The following ZNF160 variants were observed in gnomAD, a reference collection of about 807,000 sequenced individuals.
The protein encoded by ZNF160 is zinc finger protein 160.
Under a neutral mutation model 13.1 loss-of-function variants are expected in ZNF160, and 9 were observed. That is an observed-to-expected ratio of 0.69 (90% CI 0.41 to 1.20). ZNF160 has a LOEUF of 1.20. ZNF160 is among the 50% of genes most tolerant of loss of function. The probability of loss-of-function intolerance (pLI) is 0.01; values close to 1 mark genes in which losing one functional copy is unlikely to be tolerated. For missense variants in ZNF160, 838 were observed against 988.0 expected (o/e 0.85, Z 2.04); for synonymous variants, 293 against 333.2 (o/e 0.88, Z 1.31).
rs529646832 is a variant in ZNF160 at position 53,069,987 on chromosome 19, C to T, written c.547G>A (p.Val183Ile). Residue 183 changes from valine to isoleucine, a missense_variant, in exon 6 of 6, where the codon GTA becomes ATA. By Grantham distance (29) the Val-to-Ile change is conservative. Around this residue, in one of 3 missense-constraint regions of ZNF160, gnomAD observed 387 missense variants for 402.3 expected, o/e 0.96. Transcript: ENST00000683776. This position sits in a 1 kb window ranked among gnomAD's most constrained non-coding sequence, Gnocchi z 4.4. Reference protein sequence around the residue: ...ENKLMNNQLGVSFHSHLPELQ... With the variant: ...ENKLMNNQLGISFHSHLPELQ... ...TCAGGCAGATGAGAATGAAAGCTTA[C>T]TCCAAGCTGATTGTTCATAAGCTTG... 2.5e-6 allele frequency: 4 copies of T among 1,614,132 alleles called. No homozygotes were observed. In the East Asian group the frequency reaches 8.9e-5, roughly 36 times the overall value.
chr19:53,076,695 C>T (rs947402892), intron 3 of ZNF160, among the ~76,000 whole-genome samples: 2 of 152,072 alleles, frequency 1.3e-5, no homozygotes, highest in Admixed American at 6.5e-5. Flanking sequence ...AGTAGGAAGT[C>T]CCAAGCACTA....
intron 1 of ZNF160, among the ~76,000 whole-genome samples, chr19:53,102,489 C>T (rs1208555306): frequency 6.6e-6 from 1 of 152,208 alleles, no homozygotes; most frequent in Non-Finnish European, 1.5e-5. Context: ...CTCTCCTTAT[C>T]TTGTTGTCCT....
At chr19:53,090,083 T>C (rs972283044) in intron 2 of ZNF160, among the ~76,000 whole-genome samples, 1 of 150,796 alleles carries the variant, frequency 6.6e-6, no homozygotes, top group Non-Finnish European at 1.5e-5. Context: ...TTACACCCCT[T>C]GTCCCCACTC....
chr19:53,093,477 G>C (rs2085110688), intron 1 of ZNF160: 1 of 151,830 alleles, frequency 6.6e-6, no homozygotes. Context: ...GAAGGGGGAG[G>C]CTTAACCTTT....
chr19:53,072,584 G>C (rs1161920575), intron 5 of ZNF160, among the ~76,000 whole-genome samples: 4 of 152,322 alleles, frequency 2.6e-5, no homozygotes. Context: ...AGGTGCAGTG[G>C]CTCATGTCTG....
chr19:53,097,860 C>T (rs1018232968), intron 1 of ZNF160, among the ~76,000 whole-genome samples: 2 of 152,202 alleles, frequency 1.3e-5, no homozygotes, highest in Middle Eastern at 3.2e-3. Context: ...GAAATCACCC[C>T]GTGGAGCGGA....
intron 1 of ZNF160, among the ~76,000 whole-genome samples, chr19:53,097,446 A>G (rs1257765138): frequency 6.6e-6 from 1 of 152,032 alleles, no homozygotes; most frequent in Non-Finnish European, 1.5e-5. Context: ...CATATACTTC[A>G]TAAAGATCCC....
At chr19:53,086,692 C>T (rs1037934065) in intron 2 of ZNF160, among the ~76,000 whole-genome samples, 2 of 152,152 alleles carry the variant, frequency 1.3e-5, no homozygotes, top group Non-Finnish European at 2.9e-5. Flanking sequence ...TGAGCTCAGC[C>T]TTCAGAAACA....
intron 1 of ZNF160, among the ~76,000 whole-genome samples, chr19:53,101,262 A>C (rs565874750): frequency 7.9e-5 from 12 of 152,270 alleles, no homozygotes; most frequent in African/African-American, 2.9e-4. Context: ...CCTGGGTGAA[A>C]GAGCGAGACT....
chr19:53,093,401 T>C (rs2085107325), intron 1 of ZNF160, among the ~76,000 whole-genome samples: 1 of 152,014 alleles, frequency 6.6e-6, no homozygotes, highest in East Asian at 1.9e-4. Context: ...ATCGTGCCAC[T>C]GCACTCCAGC....
Position 53,070,189 on chromosome 19 carries a change from T to G in ZNF160, c.345A>C (p.Thr115=), listed in dbSNP as rs758076024. The G allele has an allele frequency of 6.2e-7, 1 of 1,613,964 alleles. No homozygotes were observed. The highest frequency in any genetic ancestry group is 1.3e-5 in the African/African-American group (1 of 75,056). ...EKSSTEAVFH[T]VVLERHESPD... ...GGCTTTCGTGTCTTTCCAACACCAC[T>G]GTGTGGAATACTGCTTCTGTACTGC... The change falls in exon 6 of 6, where the codon ACA becomes ACC. Residue 115 remains threonine (T), a synonymous_variant. Coordinates refer to ENST00000683776, the MANE Select transcript of ZNF160 (RefSeq NM_001322131.2).
rs1211834165 is a variant in ZNF160, at chr19:53,086,859, C to A, written c.-45-538G>T. ...ACTCTAATATGAAGCCAGGGTTGAG[C>A]TCCACTGAGGGGGTGAGCCCAGCAC... is the stretch of plus-strand genomic sequence containing the variant. On this transcript the variant is annotated intron_variant, in intron 2 of 5. Coordinates refer to ENST00000683776, the MANE Select transcript of ZNF160 (RefSeq NM_001322131.2). Among the ~76,000 whole-genome samples, 4 of 152,218 alleles carry A rather than the reference C, an allele frequency of 2.6e-5. No individual in the cohort carries two copies. The East Asian group carries it at 7.7e-4, about 29-fold the overall frequency.
chr19:53,079,269 A>G (rs1600844532), intron 3 of ZNF160, among the ~76,000 whole-genome samples: 1 of 151,546 alleles, frequency 6.6e-6, no homozygotes, highest in Non-Finnish European at 1.5e-5. Context: ...ATGCTCAACA[A>G]TTCGGGCACG....
At chr19:53,080,884 T>C (rs986475163) in intron 3 of ZNF160, among the ~76,000 whole-genome samples, 6 of 152,090 alleles carry the variant, frequency 3.9e-5, no homozygotes, top group Non-Finnish European at 7.4e-5. Flanking sequence ...CATATACCAA[T>C]GGAATAGAAC....
chr19:53,086,141 G>C (rs191154774), intron 3 of ZNF160, 121 bp downstream of exon 3: 1 of 1,328,856 alleles, frequency 7.5e-7, no homozygotes, highest in African/African-American at 1.4e-5. Context: ...GAGGGAAGGC[G>C]CGGGTGAGTG....
Position 53,102,790 on chromosome 19 carries a change from T to C in ZNF160, c.-354+475A>G, listed in dbSNP as rs12459286. Among the ~76,000 whole-genome samples the C allele has an allele frequency of 5.9e-3, 902 of 152,228 alleles. 11 individuals carry two copies. Among genetic ancestry groups the C allele is most frequent in the African/African-American group, 0.021 (868 of 41,538 alleles). On this transcript the variant is annotated intron_variant, in intron 1 of 5. Transcript: ENST00000683776. ...GAGTACATTTTCCAGGGGGTGGAGC[T>C]GGGCAGGCAAAAACACCGGGTGTCA...
In ZNF160 at chr19:53,094,415, C is replaced by T. The variant is rs2085144819; in HGVS notation, c.-353-2695G>A. Among the ~76,000 whole-genome samples the T allele has an allele frequency of 2.0e-5, 3 of 152,124 alleles. No homozygotes were observed. In the South Asian group the frequency reaches 6.2e-4, roughly 32 times the overall value. On this transcript the variant is annotated intron_variant, in intron 1 of 5. Transcript: ENST00000683776. ...CGTTTCATCCTCTAAACAGACAAAT[C>T]AGGTCCCGGATTAATTAAACGGTTC... is the stretch of plus-strand genomic sequence containing the variant.
intron 3 of ZNF160, chr19:53,085,443 G>A (rs1470673423): frequency 6.6e-6 from 1 of 152,420 alleles, no homozygotes; most frequent in Non-Finnish European, 1.5e-5. Flanking sequence ...GCACATAAAT[G>A]TATCATTTCA....
chr19:53,080,592 AGCATTTCAT>A lies in ZNF160; in HGVS notation c.16-5418_16-5410del, dbSNP rs2084594244. 2.0e-5 allele frequency among the ~76,000 whole-genome samples: 3 copies of A among 152,260 alleles called. No individual in the cohort carries two copies. In the South Asian group the frequency reaches 6.2e-4, roughly 31 times the overall value. ...ATCAGACAACACGAACAAATGGAAA[AGCATTTCAT>A]GCTCATGGGTTGAAAGAATCAATAT... On this transcript the variant is annotated intron_variant, in intron 3 of 5. Coordinates refer to ENST00000683776, the MANE Select transcript of ZNF160 (RefSeq NM_001322131.2).
Sources: allele counts gnomAD v4.1 joint callset (sites outside exome capture counted in the v4.1 genomes callset), GRCh38; gene constraint gnomAD v4.1.1; regional missense constraint gnomAD v4.1.1; non-coding constraint Gnocchi (gnomAD v3.1); transcripts MANE v1.5; gene names NCBI Gene and HGNC (gene_info 2026-07-23, HGNC 2026-07-21).